GTF2H1: variants seen among roughly 807,000 people sequenced by gnomAD.
The protein encoded by GTF2H1 is BTF2 p62.
In GTF2H1, 16 loss-of-function variants were observed where a neutral mutation model predicts 71.2. That is an observed-to-expected ratio of 0.22 (90% confidence interval 0.15 to 0.34). The LOEUF (loss-of-function observed/expected upper bound fraction) is 0.34, where lower values mean the gene tolerates loss of function less well. Among genes scored for constraint, GTF2H1 ranks in the 10% least tolerant of loss-of-function variants. GTF2H1 has a pLI of 1.00. For synonymous variants in GTF2H1, 215 were observed against 219.0 expected (o/e 0.98, Z 0.16); for missense variants, 498 against 648.2 (o/e 0.77, Z 2.52).
chr11:18,345,008 C>T (rs1161500120), intron 7 of GTF2H1, among the ~76,000 whole-genome samples: 2 of 133,104 alleles, frequency 1.5e-5, no homozygotes, highest in African/African-American at 5.8e-5. Flanking sequence ...TGTGAGACCA[C>T]ATCTCTAAAC....
chr11:18,347,763 C>T (rs1186299904), intron 8 of GTF2H1, 48 bp downstream of exon 8: 4 of 1,601,206 alleles, frequency 2.5e-6, no homozygotes, highest in Non-Finnish European at 3.4e-6. Flanking sequence ...TCAGGATATC[C>T]AGATGGAGTT....
At chr11:18,329,601 C>T (rs565933189) in intron 1 of GTF2H1, among the ~76,000 whole-genome samples, 70 of 152,194 alleles carry the variant, frequency 4.6e-4, no homozygotes, top group Non-Finnish European at 7.8e-4. Context: ...CATGGGGTGG[C>T]CTTCTCCACT....
intron 1 of GTF2H1, among the ~76,000 whole-genome samples, 190 bp downstream of exon 1, chr11:18,322,930 C>T (rs1454702380): frequency 6.6e-6 from 1 of 152,202 alleles, no homozygotes; most frequent in Non-Finnish European, 1.5e-5. Context: ...CCCTAATCTA[C>T]TTGTCTAAAG....
chr11:18,341,388 A>G lies in GTF2H1; in HGVS notation c.735A>G (p.Glu245=). ...LNTGSKDLFA[E]CAKIDEKGLK... is the part of the protein sequence containing the mutation. The stretch of plus-strand genomic sequence containing the variant: ...CAGGGTCAAAGGATCTCTTTGCAGA[A>G]TGTGCCAAAATAGATGAAAAAGGTA... The change falls in exon 6 of 15, where the codon GAA becomes GAG. Residue 245 remains glutamate (E), a synonymous_variant. Coordinates refer to ENST00000265963, the MANE Select transcript of GTF2H1 (RefSeq NM_005316.4). 6.2e-7 allele frequency: 1 copy of G among 1,613,946 alleles called. No homozygotes were observed. Among genetic ancestry groups the G allele is most frequent in the Non-Finnish European group, 8.5e-7 (1 of 1,179,956 alleles).
intron 1 of GTF2H1, among the ~76,000 whole-genome samples, chr11:18,331,496 G>A (rs1445472344): frequency 2.6e-5 from 4 of 152,018 alleles, no homozygotes; most frequent in Admixed American, 2.0e-4. Flanking sequence ...GAGAAACCCC[G>A]TCTCTACCAA....
intron 7 of GTF2H1, among the ~76,000 whole-genome samples, chr11:18,342,343 C>A (rs1461480959): frequency 7.2e-6 from 1 of 139,472 alleles, no homozygotes; most frequent in East Asian, 2.2e-4. Context: ...CTCACTGCAA[C>A]CTCTGCCTCC....
chr11:18,344,574 G>A (rs1865239984), intron 7 of GTF2H1, among the ~76,000 whole-genome samples: 2 of 138,640 alleles, frequency 1.4e-5, no homozygotes, highest in Admixed American at 7.9e-5. Flanking sequence ...AGCTAAGATT[G>A]CACCACTGCA....
At chr11:18,332,384 G>T (rs900775377) in intron 1 of GTF2H1, among the ~76,000 whole-genome samples, 9 of 152,162 alleles carry the variant, frequency 5.9e-5, no homozygotes, top group African/African-American at 7.2e-5. Context: ...GGAGGATTTG[G>T]GTTGGGCATT....
chr11:18,334,484 C>T (rs4150573), intron 2 of GTF2H1, among the ~76,000 whole-genome samples: 29 of 152,294 alleles, frequency 1.9e-4, no homozygotes, highest in African/African-American at 6.0e-4. Context: ...GCAGTATTAG[C>T]GTCTCTCTCA....
At chr11:18,339,696 G>C in intron 5 of GTF2H1, 39 bp downstream of exon 5, 3 of 1,135,394 alleles carry the variant, frequency 2.6e-6, no homozygotes, top group Non-Finnish European at 4.0e-6. Context: ...TAAAATATAT[G>C]GATATATTCT....
intron 4 of GTF2H1, among the ~76,000 whole-genome samples, chr11:18,339,191 T>G (rs935354857): frequency 6.6e-6 from 1 of 152,240 alleles, no homozygotes; most frequent in African/African-American, 2.4e-5. Flanking sequence ...AGTGAATTAA[T>G]AAGGCCTTTC....
rs1389743469 is a variant in GTF2H1, at chr11:18,356,835, G to A, written c.1261-1117G>A. Among the ~76,000 whole-genome samples the A allele has an allele frequency of 4.8e-5, 7 of 145,552 alleles. No homozygotes were observed. In the East Asian group the frequency reaches 1.2e-3, roughly 25 times the overall value. On this transcript the variant is annotated intron_variant, in intron 11 of 14. Coordinates refer to ENST00000265963, the MANE Select transcript of GTF2H1 (RefSeq NM_005316.4). ...GTCAGGGTCTTGCTTTGTTGCCCAG[G>A]CTGGAGTGCAGTGACACCATCTCAG...
At chr11:18,328,348 T>TA (rs1270681438) in intron 1 of GTF2H1, among the ~76,000 whole-genome samples, 1 of 149,716 alleles carries the variant, frequency 6.7e-6, no homozygotes, top group African/African-American at 2.5e-5. Context: ...CCGTCTCTAC[T>TA]AAAAAATACA....
chr11:18,361,787 A>G (rs1300954203), intron 14 of GTF2H1, among the ~76,000 whole-genome samples: 1 of 152,180 alleles, frequency 6.6e-6, no homozygotes. Flanking sequence ...AATTGCCACT[A>G]CTCATAGTAA....
chr11:18,343,256 C>T (rs1277875210), intron 7 of GTF2H1, among the ~76,000 whole-genome samples: 1 of 152,066 alleles, frequency 6.6e-6, no homozygotes, highest in East Asian at 1.9e-4. Flanking sequence ...TTTTGTTTTC[C>T]TTAGTGAGGC....
At chr11:18,359,938 A>G (rs1865657362) in intron 13 of GTF2H1, among the ~76,000 whole-genome samples, 1 of 151,788 alleles carries the variant, frequency 6.6e-6, no homozygotes, top group African/African-American at 2.4e-5. Context: ...CTTGGGCAAC[A>G]TGGCAGAACT....
intron 9 of GTF2H1, 159 bp downstream of exon 9, chr11:18,348,078 C>A: frequency 1.6e-6 from 1 of 638,002 alleles, no homozygotes; most frequent in South Asian, 1.8e-5. Context: ...GAGTATTTCC[C>A]CAGCTTTGGC....
chr11:18,363,800 C>G (rs549439255), intron 14 of GTF2H1, among the ~76,000 whole-genome samples: 1 of 151,744 alleles, frequency 6.6e-6, no homozygotes. Context: ...GGGCCAGGCG[C>G]GGTGGCTTAC....
intron 7 of GTF2H1, among the ~76,000 whole-genome samples, chr11:18,343,002 A>G (rs1338031387): frequency 6.6e-6 from 1 of 152,018 alleles, no homozygotes; most frequent in East Asian, 1.9e-4. Context: ...GCTCACTGCA[A>G]CCTCTACCTC....
Sources: allele counts gnomAD v4.1 joint callset (sites outside exome capture counted in the v4.1 genomes callset), GRCh38; gene constraint gnomAD v4.1.1; transcripts MANE v1.5; gene names NCBI Gene and HGNC (gene_info 2026-07-23, HGNC 2026-07-21).